NOX5: variants seen among roughly 807,000 people sequenced by gnomAD.
The protein encoded by NOX5 is NADPH oxidase, EF-hand calcium binding domain 5.
NOX5 carries 76 observed loss-of-function variants against 85.7 expected under a neutral mutation model. The ratio of observed to expected loss-of-function variants is 0.89; its 90% CI spans 0.74 to 1.07. The LOEUF is 1.07. Among genes scored for constraint, NOX5 ranks in the 50% least tolerant of loss-of-function variants. The probability of loss-of-function intolerance (pLI) is 0.00; values close to 1 mark genes in which losing one functional copy is unlikely to be tolerated. For synonymous variants in NOX5, 405 were observed against 401.4 expected (o/e 1.01, Z -0.11); for missense variants, 973 against 999.5 (o/e 0.97, Z 0.36).
intron 14 of NOX5, among the ~76,000 whole-genome samples, chr15:69,049,891 A>G (rs189581807): frequency 6.6e-6 from 1 of 152,362 alleles, no homozygotes; most frequent in Admixed American, 6.5e-5. Context: ...ATTTTGACAA[A>G]TGCATACAGT....
intron 3 of NOX5, chr15:69,030,769 C>T (rs1038482590): frequency 1.3e-5 from 2 of 152,216 alleles, no homozygotes; most frequent in African/African-American, 4.8e-5. Context: ...CTCCCAGATA[C>T]TGCGTTAGGT....
chr15:69,017,821 A>G (rs1038383568), intron 1 of NOX5, among the ~76,000 whole-genome samples: 8 of 152,076 alleles, frequency 5.3e-5, no homozygotes, highest in African/African-American at 1.7e-4. Context: ...CATGCCACAC[A>G]TATATAGCAT....
chr15:69,044,622 C>A (rs556830627), intron 10 of NOX5, among the ~76,000 whole-genome samples: 34 of 152,074 alleles, frequency 2.2e-4, no homozygotes, highest in Non-Finnish European at 5.9e-5. Flanking sequence ...CCTGGAAAAC[C>A]AGTCAAGATG....
intron 7 of NOX5, 126 bp downstream of exon 7, chr15:69,036,062 G>A: frequency 7.6e-7 from 1 of 1,307,830 alleles, no homozygotes; most frequent in Non-Finnish European, 1.0e-6. Flanking sequence ...TTATTTGCAT[G>A]TGATTTGGGA....
Position 69,033,260 on chromosome 15 carries a change from G to T in NOX5, c.838G>T (p.Asp280Tyr). 6.3e-7 allele frequency: 1 copy of T among 1,595,222 alleles called. No individual in the cohort carries two copies. Among genetic ancestry groups the T allele is most frequent in the East Asian group, 2.2e-5 (1 of 44,590 alleles). ...GGGCTGCGGCCAGTGCCTCAACTTC[G>T]ACTGCAGCTTCATCGCGGTAGGCTC... The part of the protein sequence containing the change: ...AKGCGQCLNF[D>Y]CSFIAVLMLR... Residue 280 changes from aspartate to tyrosine, a missense_variant, in exon 5 of 16, where the codon GAC (aspartate) becomes TAC (tyrosine). Asp to Tyr is a radical substitution (Grantham distance 160). Transcript: ENST00000388866.
chr15:69,043,135 A>C (rs1353682302), intron 10 of NOX5, among the ~76,000 whole-genome samples: 1 of 152,178 alleles, frequency 6.6e-6, no homozygotes, highest in Non-Finnish European at 1.5e-5. Context: ...TGGTTTGTTC[A>C]TCTATAAAAT....
chr15:69,032,203 A>C (rs2050444609), intron 4 of NOX5, among the ~76,000 whole-genome samples: 1 of 152,242 alleles, frequency 6.6e-6, no homozygotes. Context: ...TGTTCTGATT[A>C]ATGCAGTGAA....
chr15:69,034,222 T>G (rs1385526383), intron 5 of NOX5, among the ~76,000 whole-genome samples: 1 of 152,154 alleles, frequency 6.6e-6, no homozygotes, highest in Non-Finnish European at 1.5e-5. Flanking sequence ...ATTTTTATTA[T>G]TTTTAATTAT....
intron 1 of NOX5, chr15:69,022,631 A>C (rs985472828): frequency 4.3e-5 from 8 of 185,810 alleles, no homozygotes; most frequent in Admixed American, 3.8e-4. Flanking sequence ...GTGAGAGAAC[A>C]TTTACAGTTC....
At chr15:69,030,794 G>A (rs2050418879) in intron 3 of NOX5, 1 of 152,148 alleles carries the variant, frequency 6.6e-6, no homozygotes, top group African/African-American at 2.4e-5. Context: ...TACCATTATC[G>A]AGTTTCCTTG....
chr15:69,026,555 G>A lies in NOX5; in HGVS notation c.78G>A (p.Arg26=), dbSNP rs1187682675. The A allele has an allele frequency of 6.2e-7, 1 of 1,614,180 alleles. No individual in the cohort carries two copies. Among genetic ancestry groups the A allele is most frequent in the Admixed American group, 1.7e-5 (1 of 60,024 alleles). ...RGTMSAEEDA[R]WLRWVTQQFK... ...CCATGAGTGCCGAGGAGGATGCCAG[G>A]TGGCTCCGGTGGGTGACTCAGCAGT... is the stretch of plus-strand genomic sequence containing the variant. The change falls in exon 2 of 16, where the codon AGG becomes AGA. Residue 26 remains arginine (R), a synonymous_variant. Transcript: ENST00000388866.
intron 2 of NOX5, among the ~76,000 whole-genome samples, chr15:69,027,468 G>A (rs776838189): frequency 2.0e-5 from 3 of 152,076 alleles, no homozygotes; most frequent in Admixed American, 2.0e-4. Flanking sequence ...AGCGGACTTC[G>A]GCCTATACCT....
intron 14 of NOX5, among the ~76,000 whole-genome samples, chr15:69,053,061 T>C (rs891612183): frequency 6.6e-6 from 1 of 152,246 alleles, no homozygotes; most frequent in African/African-American, 2.4e-5. Context: ...TTTCAGGGTT[T>C]CTCATTAACT....
At chr15:69,042,984 C>G (rs1359899622) in intron 10 of NOX5, among the ~76,000 whole-genome samples, 179 bp downstream of exon 10, 2 of 152,188 alleles carry the variant, frequency 1.3e-5, no homozygotes, top group African/African-American at 2.4e-5. Context: ...AGTCTGACCA[C>G]TCCAGATCCT....
At chr15:69,016,978 T>A (rs954111959) in intron 1 of NOX5, among the ~76,000 whole-genome samples, 1 of 152,152 alleles carries the variant, frequency 6.6e-6, no homozygotes, top group African/African-American at 2.4e-5. Flanking sequence ...TGCCTCATTA[T>A]ACTCTCCTCC....
At chr15:69,044,810 A>G (rs1259536243) in intron 10 of NOX5, among the ~76,000 whole-genome samples, 1 of 152,252 alleles carries the variant, frequency 6.6e-6, no homozygotes, top group Admixed American at 6.5e-5. Flanking sequence ...TAAAGCTAAC[A>G]TTATCGATTT....
intron 8 of NOX5, 124 bp downstream of exon 8, chr15:69,037,334 ATT>A (rs764946693): frequency 3.0e-6 from 3 of 998,128 alleles, no homozygotes; most frequent in Non-Finnish European, 2.9e-6. Flanking sequence ...CTGCAGCCCC[ATT>A]GCTATGGAGG....
intron 9 of NOX5, among the ~76,000 whole-genome samples, chr15:69,041,450 A>C (rs1255461247): frequency 6.6e-6 from 1 of 152,194 alleles, no homozygotes; most frequent in Non-Finnish European, 1.5e-5. Context: ...TCTAACTGAA[A>C]TTTAGCATTT....
Position 69,038,999 on chromosome 15 carries a change from A to G in NOX5, c.1504+10A>G, listed in dbSNP as rs377439854. On this transcript the variant is annotated intron_variant, in intron 9 of 15. Coordinates refer to ENST00000388866, the MANE Select transcript of NOX5 (RefSeq NM_024505.4). Reference sequence around the variant, plus strand: ...GCTCCTGAGCAGAAAGGTAATGGCCACCTCCTCCAGTCACTCTGCACATAT... The same window carrying G: ...GCTCCTGAGCAGAAAGGTAATGGCCGCCTCCTCCAGTCACTCTGCACATAT... 8.1e-6 allele frequency: 13 copies of G among 1,613,650 alleles called. No homozygotes were observed. Among genetic ancestry groups the G allele is most frequent in the Non-Finnish European group, 9.3e-6 (11 of 1,179,934 alleles).
Sources: allele counts gnomAD v4.1 joint callset (sites outside exome capture counted in the v4.1 genomes callset), GRCh38; gene constraint gnomAD v4.1.1; transcripts MANE v1.5; gene names NCBI Gene and HGNC (gene_info 2026-07-23, HGNC 2026-07-21).